Variants in SLC25A26 observed in about 807,000 individuals in gnomAD.
SLC25A26 encodes solute carrier family 25 member 26.
Under a neutral mutation model 37.8 loss-of-function variants are expected in SLC25A26, and 36 were observed. The observed-to-expected ratio is 0.95, with a 90% confidence interval of 0.73 to 1.26. SLC25A26 has a LOEUF of 1.26. Among genes scored for constraint, SLC25A26 ranks in the 50% most tolerant of loss-of-function variants. The probability of loss-of-function intolerance (pLI) is 0.00; values close to 1 mark genes in which losing one functional copy is unlikely to be tolerated. For synonymous variants in SLC25A26, 129 were observed against 122.5 expected, an observed-to-expected ratio of 1.05 and a Z score of -0.35; for missense variants, 390 against 331.1, an observed-to-expected ratio of 1.18 and a Z score of -1.38.
At chr3:66,364,508 A>AAG (rs2076783174) in intron 7 of SLC25A26, among the ~76,000 whole-genome samples, 1 of 152,150 alleles carries the variant, frequency 6.6e-6, no homozygotes, top group African/African-American at 2.4e-5. Flanking sequence ...AGGATTCTGA[A>AAG]GTCTCTTTTT....
At chr3:66,343,011 C>G (rs1230646062) in intron 5 of SLC25A26, among the ~76,000 whole-genome samples, 1 of 152,164 alleles carries the variant, frequency 6.6e-6, no homozygotes, top group East Asian at 1.9e-4. Flanking sequence ...CTGAGTGCAG[C>G]TATTCATTTT....
At chr3:66,149,028 A>T (rs550392281) in intron 1 of SLC25A26, among the ~76,000 whole-genome samples, 1 of 152,134 alleles carries the variant, frequency 6.6e-6, no homozygotes, top group African/African-American at 2.4e-5. Flanking sequence ...ACACTGTAGG[A>T]TGTAATCAAG....
intron 7 of SLC25A26, among the ~76,000 whole-genome samples, chr3:66,368,145 T>C (rs2076865872): frequency 6.6e-6 from 1 of 152,188 alleles, no homozygotes; most frequent in African/African-American, 2.4e-5. Flanking sequence ...ATGACCTTCT[T>C]GTCCACAAGC....
intron 1 of SLC25A26, among the ~76,000 whole-genome samples, chr3:66,230,590 G>T (rs1011077898): frequency 6.6e-6 from 1 of 151,580 alleles, no homozygotes; most frequent in Admixed American, 6.6e-5. Flanking sequence ...GATCACCTGA[G>T]GTTTGGAGTT....
At chr3:66,217,987 C>T (rs992874729), upstream of SLC25A26, among the ~76,000 whole-genome samples, 11 of 152,176 alleles carry the variant, frequency 7.2e-5, no homozygotes, top group Admixed American at 2.0e-4. Context: ...TGTTTTGTGC[C>T]CACTTCATAG....
chr3:66,350,431 T>A (rs764549778), intron 6 of SLC25A26, among the ~76,000 whole-genome samples: 12 of 152,296 alleles, frequency 7.9e-5, no homozygotes, highest in Non-Finnish European at 1.5e-4. Flanking sequence ...ACTCAACAAA[T>A]TTTGTTGACT....
intron 6 of SLC25A26, among the ~76,000 whole-genome samples, chr3:66,353,111 T>A (rs2107768635): frequency 6.6e-6 from 1 of 152,284 alleles, no homozygotes; most frequent in Middle Eastern, 3.4e-3. Context: ...CTTGTTGTTA[T>A]CCCCACCTTA....
chr3:66,140,428 A>G (rs2070016593), intron 1 of SLC25A26, among the ~76,000 whole-genome samples: 1 of 152,178 alleles, frequency 6.6e-6, no homozygotes, highest in African/African-American at 2.4e-5. Flanking sequence ...AAAAATCCAC[A>G]TGCTACTAAC....
At chr3:66,191,452 A>T (rs1382353497) in intron 1 of SLC25A26, among the ~76,000 whole-genome samples, 1 of 152,158 alleles carries the variant, frequency 6.6e-6, no homozygotes, top group Non-Finnish European at 1.5e-5. Context: ...AGTTTTAGAC[A>T]TTCCTCTCAA....
intron 1 of SLC25A26, among the ~76,000 whole-genome samples, chr3:66,139,194 C>T (rs571837466): frequency 2.2e-4 from 34 of 152,182 alleles, no homozygotes; most frequent in Admixed American, 1.0e-3. Flanking sequence ...TGTGCCACCC[C>T]GCCCACCTCC....
At chr3:66,271,592 G>A (rs1334289325) in intron 5 of SLC25A26, among the ~76,000 whole-genome samples, 3 of 152,280 alleles carry the variant, frequency 2.0e-5, no homozygotes, top group African/African-American at 7.2e-5. Flanking sequence ...GGATTGGGAA[G>A]TTGAGTATGT....
intron 5 of SLC25A26, among the ~76,000 whole-genome samples, chr3:66,276,036 G>C (rs1275692270): frequency 1.3e-5 from 2 of 152,032 alleles, no homozygotes; most frequent in Non-Finnish European, 1.5e-5. Flanking sequence ...TAGTTTTTTA[G>C]ATGTGTAATT....
intron 1 of SLC25A26, among the ~76,000 whole-genome samples, chr3:66,204,816 G>A (rs886161818): frequency 1.3e-5 from 2 of 152,186 alleles, no homozygotes; most frequent in African/African-American, 2.4e-5. Flanking sequence ...GGCAAAGTTA[G>A]GGTGCCTGTA....
At chr3:66,145,395 T>C (rs1173333146) in intron 1 of SLC25A26, among the ~76,000 whole-genome samples, 1 of 152,212 alleles carries the variant, frequency 6.6e-6, no homozygotes, top group Non-Finnish European at 1.5e-5. Flanking sequence ...GGTTCTAAAG[T>C]GGCCTTCAAA....
chr3:66,195,057 C>G (rs1377550534), intron 1 of SLC25A26, among the ~76,000 whole-genome samples: 2 of 152,222 alleles, frequency 1.3e-5, no homozygotes, highest in East Asian at 3.9e-4. Flanking sequence ...GTGACCCAGT[C>G]ACGGATTTCA....
intron 3 of SLC25A26, among the ~76,000 whole-genome samples, chr3:66,254,850 T>G (rs1043376643): frequency 6.6e-6 from 1 of 152,248 alleles, no homozygotes; most frequent in African/African-American, 2.4e-5. Context: ...GAATTTTTTT[T>G]GTGAACTATG....
chr3:66,344,810 ACTGTGGGTGAATTTAT>A (rs2076283637), intron 5 of SLC25A26, among the ~76,000 whole-genome samples: 2 of 152,202 alleles, frequency 1.3e-5, no homozygotes, highest in Admixed American at 6.5e-5. Context: ...AACAGATTGT[ACTGTGGGTGAATTTAT>A]ATGCAGATAA....
intron 1 of SLC25A26, among the ~76,000 whole-genome samples, chr3:66,173,226 C>A (rs1193370954): frequency 6.6e-6 from 1 of 152,182 alleles, no homozygotes; most frequent in Non-Finnish European, 1.5e-5. Flanking sequence ...CTGTCACCAA[C>A]CCGATGCCTG....
chr3:66,258,174 TCA>T (rs1014113215), intron 3 of SLC25A26, among the ~76,000 whole-genome samples: 1 of 152,152 alleles, frequency 6.6e-6, no homozygotes, highest in African/African-American at 2.4e-5. Context: ...GGTGGCCATG[TCA>T]CACAACTCTG....
Sources: allele counts gnomAD v4.1 joint callset (sites outside exome capture counted in the v4.1 genomes callset), GRCh38; gene constraint gnomAD v4.1.1; transcripts MANE v1.5; gene names NCBI Gene and HGNC (gene_info 2026-07-23, HGNC 2026-07-21).